The following INPP5E variants were observed in gnomAD, a reference collection of about 807,000 sequenced individuals.
The protein encoded by INPP5E is inositol polyphosphate-5-phosphatase E.
A neutral mutation model predicts 50.5 loss-of-function variants in INPP5E; 34 were observed. That is an observed-to-expected ratio of 0.67 (90% CI 0.51 to 0.90). The LOEUF is 0.90. Among genes scored for constraint, INPP5E ranks in the 40% least tolerant of loss-of-function variants. The pLI is 0.00. For missense variants in INPP5E, 942 were observed against 905.5 expected, an observed-to-expected ratio of 1.04 and a Z score of -0.52; for synonymous variants, 447 against 406.0, an observed-to-expected ratio of 1.10 and a Z score of -1.21.
At chr9:136,436,264 C>T (rs895553374) in intron 1 of INPP5E, 2 of 152,314 alleles carry the variant, frequency 1.3e-5, no homozygotes, top group African/African-American at 4.8e-5. Flanking sequence ...TGTGGGCACC[C>T]CTGTCAAGTG....
rs570491916 is a variant in INPP5E, at chr9:136,433,980, G to C, written c.1034+57C>G. The C allele has an allele frequency of 2.2e-6, 3 of 1,381,742 alleles. No homozygotes were observed. The African/African-American group carries it at 4.3e-5, about 20-fold the overall frequency. The allele number at this position is 1,381,742 out of a possible 1,614,324, so 85.6% of individuals were successfully genotyped here. On this transcript the variant is annotated intron_variant, in intron 3 of 9. Coordinates refer to ENST00000371712, the MANE Select transcript of INPP5E (RefSeq NM_019892.6). Reference sequence around the variant, plus strand: ...CCATGACCACAGGTCTCAGCACCCAGCTGCTTCAGAGACGGCAGCCCCTGG... The same window carrying C: ...CCATGACCACAGGTCTCAGCACCCACCTGCTTCAGAGACGGCAGCCCCTGG...
rs1010382646 is a variant in INPP5E, at chr9:136,429,374, G to A, written c.*301C>T. On this transcript the variant is annotated 3_prime_UTR_variant, in exon 10 of 10. Coordinates refer to ENST00000371712, the MANE Select transcript of INPP5E (RefSeq NM_019892.6). ...GAGCTGCTCAGGAACGGATTCTGAC[G>A]TCTGCCCCCGAGAGTGGCTGGGGTC... The A allele has an allele frequency of 1.2e-5, 6 of 494,648 alleles. No homozygotes were observed. Among genetic ancestry groups the A allele is most frequent in the South Asian group, 2.0e-5 (1 of 49,664 alleles). The allele number at this position is 494,648 out of a possible 1,614,324, so 30.6% of individuals were successfully genotyped here.
intron 8 of INPP5E, 113 bp from the exon 9 acceptor site, chr9:136,430,526 ACC>A: frequency 7.9e-7 from 1 of 1,261,110 alleles, no homozygotes; most frequent in Non-Finnish European, 1.1e-6. Flanking sequence ...GCCTTCTGGG[ACC>A]CCTGACACTC....
In INPP5E at chr9:136,434,770, G is replaced by T. The variant is rs140222295; in HGVS notation, c.906C>A (p.Phe302Leu). ...RYFPDRNVAL[F>L]VATWNMQGQK... ...GGCCCTGCATGTTCCAGGTGGCCAC[G>T]AAGAGTGCCACGTTCCGGTCTGGGA... The change falls in exon 2 of 10, where the codon TTC becomes TTA. Residue 302 changes from phenylalanine (F) to leucine (L), a missense_variant. Physicochemically the swap from Phe to Leu is conservative, Grantham distance 22. Coordinates refer to ENST00000371712, the MANE Select transcript of INPP5E (RefSeq NM_019892.6). 4 of 1,545,128 alleles carry T rather than the reference G, an allele frequency of 2.6e-6. No individual in the cohort carries two copies. In the African/African-American group the frequency reaches 5.5e-5, roughly 21 times the overall value.
chr9:136,433,261 A>C lies in INPP5E; in HGVS notation c.1053T>G (p.Arg351=). The change falls in exon 4 of 10, where the codon CGT becomes CGG. Residue 351 remains arginine (R), a synonymous_variant. Transcript: ENST00000371712. ...GCSDRREWET[R]LQETLGPHYV... ...AGTGCGGGCCCAGCGTCTCCTGCAG[A>C]CGAGTCTCCCACTCCCGCCTGCAGA... 6.3e-7 allele frequency: 1 copy of C among 1,585,506 alleles called. No individual in the cohort carries two copies. The highest frequency in any genetic ancestry group is 8.5e-7 in the Non-Finnish European group (1 of 1,173,314).
chr9:136,439,570 C>A lies in INPP5E; in HGVS notation c.-151G>T. Reference sequence around the variant, plus strand: ...GGGGATGGTCGCGGAGGGGCGGGGGCGGCTGCCGCATGGCCCGGGCCCCGA... The same window carrying A: ...GGGGATGGTCGCGGAGGGGCGGGGGAGGCTGCCGCATGGCCCGGGCCCCGA... On this transcript the variant is annotated 5_prime_UTR_variant, in exon 1 of 10. Coordinates refer to ENST00000371712, the MANE Select transcript of INPP5E (RefSeq NM_019892.6). 1 of 495,626 alleles carries A rather than the reference C, an allele frequency of 2.0e-6. No individual in the cohort carries two copies. Among genetic ancestry groups the A allele is most frequent in the Non-Finnish European group, 3.2e-6 (1 of 317,280 alleles). The allele number at this position is 495,626 out of a possible 1,614,324, so 30.7% of individuals were successfully genotyped here.
At position 136,433,136 on chromosome 9, in the gene INPP5E, C is replaced by A. The variant is rs1835750670; in HGVS notation, c.1159+19G>T. On this transcript the variant is annotated intron_variant, in intron 4 of 9. Transcript: ENST00000371712. Reference sequence around the variant, plus strand: ...CGCTGCCACCTTCCAGCCGCGCCCACCCCTCCAGCCGCGCCCACCTGAGCA... The same window carrying A: ...CGCTGCCACCTTCCAGCCGCGCCCAACCCTCCAGCCGCGCCCACCTGAGCA... 4 of 1,609,796 alleles carry A rather than the reference C, an allele frequency of 2.5e-6. No individual in the cohort carries two copies. The South Asian group carries it at 4.4e-5, about 18-fold the overall frequency.
intron 1 of INPP5E, chr9:136,436,396 C>T (rs1044930918): frequency 3.3e-5 from 5 of 152,370 alleles, no homozygotes; most frequent in African/African-American, 1.2e-4. Flanking sequence ...CTGTCCAGAG[C>T]ATGGTTAGTA....
chr9:136,433,416 A>G lies in INPP5E; in HGVS notation c.1035-137T>C, dbSNP rs1835760106. The G allele has an allele frequency of 3.0e-6, 4 of 1,314,724 alleles. No homozygotes were observed. The Admixed American group carries it at 7.8e-5, about 25-fold the overall frequency. The allele number at this position is 1,314,724 out of a possible 1,614,324, so 81.4% of individuals were successfully genotyped here. On this transcript the variant is annotated intron_variant, in intron 3 of 9. Transcript: ENST00000371712. Reference sequence around the variant, plus strand: ...GCCTTGGTGTCTTGCGCGGAGAAGCAATTGCCAGAAGGCCTGGTGGGCCAG... The same window carrying G: ...GCCTTGGTGTCTTGCGCGGAGAAGCGATTGCCAGAAGGCCTGGTGGGCCAG...
At chr9:136,435,882 G>A (rs1258370907) in intron 1 of INPP5E, 3 of 152,178 alleles carry the variant, frequency 2.0e-5, no homozygotes, top group East Asian at 1.9e-4. Context: ...CATTAGAATG[G>A]TTTTGACTTT....
intron 7 of INPP5E, 90 bp from the exon 8 acceptor site, chr9:136,431,207 G>GCCCCCCCCCC: frequency 1.3e-5 from 9 of 683,426 alleles, no homozygotes; most frequent in Non-Finnish European, 2.2e-5. Flanking sequence ...CTCCCACCAC[G>GCCCCCCCCCC]CCCACCCTCC....
At chr9:136,435,260 C>T (rs991160094) in intron 1 of INPP5E, among the ~76,000 whole-genome samples, 2 of 152,020 alleles carry the variant, frequency 1.3e-5, no homozygotes, top group Admixed American at 1.3e-4. Context: ...CCAGGCAGGA[C>T]GGTCTAAGAT....
Position 136,433,021 on chromosome 9 carries a change from C to A in INPP5E, c.1214G>T (p.Gly405Val), listed in dbSNP as rs761559591. The A allele has an allele frequency of 6.2e-7, 1 of 1,613,438 alleles. No individual in the cohort carries two copies. The highest frequency in any genetic ancestry group is 8.5e-7 in the Non-Finnish European group (1 of 1,179,906). Reference protein sequence around the residue: ...TRIVSQIKTKGALGISFTFFG... With the variant: ...TRIVSQIKTKVALGISFTFFG... ...AAAGGTGAAGCTGATGCCCAAGGCC[C>A]CCTTGGTCTTGATCTGAGACACGAT... Residue 405 changes from glycine to valine, a missense_variant, in exon 5 of 10, where the codon GGG becomes GTG. Physicochemically the swap from Gly to Val is moderately radical, Grantham distance 109. Transcript: ENST00000371712.
In INPP5E at chr9:136,433,185, T is replaced by C. The variant is rs973796605; in HGVS notation, c.1129A>G (p.Ile377Val). 2.0e-6 allele frequency: 3 copies of C among 1,479,000 alleles called. No individual in the cohort carries two copies. Among genetic ancestry groups the C allele is most frequent in the African/African-American group, 3.2e-5 (2 of 62,068 alleles). 91.6% of individuals were successfully genotyped at this position (1,479,000 alleles called of 1,614,324 possible). ...AHGVLYMSLF[I>V]RRDLIWFCSE... is the part of the protein sequence containing the mutation. Reference sequence around the variant, plus strand: ...CAGAACCAGATGAGGTCCCTGCGGATGAAGAGCGACATGTAGAGCACGCCG... The same window carrying C: ...CAGAACCAGATGAGGTCCCTGCGGACGAAGAGCGACATGTAGAGCACGCCG... Residue 377 changes from isoleucine to valine, a missense_variant, in exon 4 of 10, where the codon ATC becomes GTC. Transcript: ENST00000371712.
At chr9:136,435,466 C>G (rs1321167143) in intron 1 of INPP5E, 2 of 153,404 alleles carry the variant, frequency 1.3e-5, no homozygotes, top group Non-Finnish European at 2.9e-5. Flanking sequence ...CCTGCCTCAG[C>G]CTCCCGAGTA....
intron 1 of INPP5E, among the ~76,000 whole-genome samples, chr9:136,435,268 G>C (rs1297914349): frequency 6.6e-6 from 1 of 152,116 alleles, no homozygotes; most frequent in Non-Finnish European, 1.5e-5. Flanking sequence ...GACGGTCTAA[G>C]ATACAGAGAC....
rs917316567 is a variant in INPP5E, at chr9:136,428,631, A to G, written c.*1044T>C. ...GGCCAGAAAGAGATTTTAAGACTCA[A>G]TATATGCATTTATTTAAAAATATAA... On this transcript the variant is annotated 3_prime_UTR_variant, in exon 10 of 10. Coordinates refer to ENST00000371712, the MANE Select transcript of INPP5E (RefSeq NM_019892.6). The G allele has an allele frequency of 2.0e-4, 31 of 152,520 alleles. 1 individual carries two copies. Among genetic ancestry groups the G allele is most frequent in the African/African-American group, 6.3e-4 (26 of 41,570 alleles). 9.4% of individuals were successfully genotyped at this position (152,520 alleles called of 1,614,324 possible).
intron 5 of INPP5E, 139 bp downstream of exon 5, chr9:136,432,817 T>C (rs892342097): frequency 2.5e-6 from 3 of 1,205,924 alleles, no homozygotes; most frequent in African/African-American, 1.5e-5. Context: ...GCGTGCATCT[T>C]AGCAAGCGTG....
intron 5 of INPP5E, 91 bp from the exon 6 acceptor site, chr9:136,432,677 G>T (rs774850889): frequency 4.1e-6 from 4 of 977,264 alleles, no homozygotes; most frequent in East Asian, 5.2e-5. Context: ...CCCTGACTGC[G>T]CACCCCCGGC....
Sources: gnomAD v4.1 joint callset for allele counts (sites outside exome capture counted in the v4.1 genomes callset) on GRCh38, gnomAD v4.1.1 for gene constraint, MANE v1.5 for transcripts, NCBI Gene and HGNC (gene_info 2026-07-23, HGNC 2026-07-21) for gene names.